Variants in EFCAB5 observed in about 807,000 individuals in gnomAD.
EFCAB5 encodes EF-hand calcium-binding domain-containing protein 5.
Under a neutral mutation model 167.9 loss-of-function variants are expected in EFCAB5, and 131 were observed. That is an observed-to-expected ratio of 0.78 (90% CI 0.68 to 0.90). EFCAB5 has a LOEUF of 0.90. Ranked by LOEUF, EFCAB5 falls within the 40% of genes least tolerant of loss-of-function variation. The pLI is 0.00. For missense variants in EFCAB5, 1,663 were observed against 1,745.2 expected, an observed-to-expected ratio of 0.95 and a Z score of 0.84; for synonymous variants, 574 against 602.8, an observed-to-expected ratio of 0.95 and a Z score of 0.70.
chr17:30,100,563 T>A (rs1403397094), intron 22 of EFCAB5, among the ~76,000 whole-genome samples: 1 of 150,864 alleles, frequency 6.6e-6, no homozygotes, highest in African/African-American at 2.4e-5. Flanking sequence ...AGGTCAGGAG[T>A]TCAAGACCAG....
chr17:29,954,533 C>T (rs1314991804), intron 3 of EFCAB5, among the ~76,000 whole-genome samples: 3 of 152,210 alleles, frequency 2.0e-5, no homozygotes, highest in Non-Finnish European at 4.4e-5. Flanking sequence ...GTTTGGGAAC[C>T]TCTGCCTAGA....
intron 22 of EFCAB5, among the ~76,000 whole-genome samples, chr17:30,100,994 C>A: frequency 6.6e-6 from 1 of 152,108 alleles, no homozygotes; most frequent in East Asian, 1.9e-4. Context: ...GGTCAGAGAA[C>A]GGGAGGTAAG....
At chr17:29,953,299 T>A (rs955052040) in intron 3 of EFCAB5, among the ~76,000 whole-genome samples, 3 of 151,974 alleles carry the variant, frequency 2.0e-5, no homozygotes, top group Non-Finnish European at 2.9e-5. Flanking sequence ...ACAAAAAAAA[T>A]AAAATAAAAT....
chr17:29,985,597 A>G (rs2068264458), intron 4 of EFCAB5, among the ~76,000 whole-genome samples: 2 of 152,230 alleles, frequency 1.3e-5, no homozygotes. Flanking sequence ...AGGTTAACTA[A>G]AATGGGAAAC....
intron 7 of EFCAB5, among the ~76,000 whole-genome samples, chr17:30,000,328 C>T (rs2151653159): frequency 6.6e-6 from 1 of 152,256 alleles, no homozygotes; most frequent in Admixed American, 6.5e-5. Flanking sequence ...ACTTGGTTAA[C>T]CCTCTCAGCA....
At chr17:30,056,318 T>C (rs1381820676) in intron 12 of EFCAB5, among the ~76,000 whole-genome samples, 162 bp downstream of exon 12, 1 of 152,200 alleles carries the variant, frequency 6.6e-6, no homozygotes, top group Non-Finnish European at 1.5e-5. Flanking sequence ...ATATACCAGA[T>C]AGATATATTT....
intron 3 of EFCAB5, 99 bp from the exon 4 acceptor site, chr17:29,968,692 G>A: frequency 2.1e-6 from 2 of 965,100 alleles, no homozygotes; most frequent in Non-Finnish European, 3.0e-6. Context: ...AATCCACTGT[G>A]TAAATGGATA....
chr17:29,944,747 C>T (rs900813082), intron 3 of EFCAB5, among the ~76,000 whole-genome samples: 14 of 151,782 alleles, frequency 9.2e-5, no homozygotes, highest in African/African-American at 2.9e-4. Flanking sequence ...CCTCAGCCTC[C>T]CGAGTAGCTG....
intron 14 of EFCAB5, among the ~76,000 whole-genome samples, chr17:30,066,234 G>A (rs1269480078): frequency 2.6e-5 from 4 of 151,810 alleles, no homozygotes; most frequent in Non-Finnish European, 5.9e-5. Flanking sequence ...AAATTTAAAG[G>A]AATTGAAATC....
chr17:30,099,433 A>AAG (rs1416872208), intron 22 of EFCAB5, among the ~76,000 whole-genome samples: 1 of 152,060 alleles, frequency 6.6e-6, no homozygotes, highest in Non-Finnish European at 1.5e-5. Flanking sequence ...TCTCTTAAAA[A>AAG]AAAAAATAGG....
intron 15 of EFCAB5, 67 bp downstream of exon 15, chr17:30,078,571 A>G (rs1597778544): frequency 2.1e-6 from 3 of 1,449,728 alleles, no homozygotes; most frequent in Admixed American, 5.6e-5. Flanking sequence ...CAATGTTTGC[A>G]AAAGAGGAGC....
intron 8 of EFCAB5, among the ~76,000 whole-genome samples, chr17:30,037,093 G>A (rs1441358258): frequency 1.3e-5 from 2 of 152,138 alleles, no homozygotes; most frequent in Non-Finnish European, 2.9e-5. Context: ...TCATTTTCTA[G>A]GTGTAGCTCA....
At chr17:30,058,030 A>G in intron 13 of EFCAB5, 140 bp downstream of exon 13, 1 of 715,924 alleles carries the variant, frequency 1.4e-6, no homozygotes, top group South Asian at 2.0e-5. Context: ...CATAGCCATT[A>G]AAGATTCTAT....
At chr17:30,088,294 T>C (rs2071128498) in intron 19 of EFCAB5, among the ~76,000 whole-genome samples, 1 of 152,110 alleles carries the variant, frequency 6.6e-6, no homozygotes, top group Non-Finnish European at 1.5e-5. Flanking sequence ...TCATTTAATT[T>C]TTTTTTTTAA....
chr17:30,073,643 C>T (rs767941354), intron 14 of EFCAB5: 43 of 709,372 alleles, frequency 6.1e-5, no homozygotes, highest in Middle Eastern at 4.7e-4. Flanking sequence ...TCTTTTTGCC[C>T]GTAGGGAAAG....
At chr17:29,978,368 A>T (rs1312295857) in intron 4 of EFCAB5, among the ~76,000 whole-genome samples, 1 of 152,212 alleles carries the variant, frequency 6.6e-6, no homozygotes, top group Non-Finnish European at 1.5e-5. Flanking sequence ...ACTTTATCCA[A>T]ACAGGTTCTA....
chr17:29,981,306 C>T (rs2068169891), intron 4 of EFCAB5, among the ~76,000 whole-genome samples: 1 of 152,158 alleles, frequency 6.6e-6, no homozygotes, highest in Admixed American at 6.6e-5. Flanking sequence ...CCACACTATA[C>T]TCCAGGCACA....
chr17:30,092,092 A>T lies in EFCAB5; in HGVS notation c.4159A>T (p.Ile1387Phe). The change falls in exon 21 of 23, where the codon ATC becomes TTC. Residue 1387 changes from isoleucine to phenylalanine, a missense_variant. By Grantham distance (21) the Ile-to-Phe change is conservative (BLOSUM62 0). Coordinates refer to ENST00000394835, the MANE Select transcript of EFCAB5 (RefSeq NM_198529.4). Reference sequence around the variant, plus strand: ...AGTGCGTGACATCCTGAAGGCGGTTATCTTGTTCTTTCATCCAGAGTTGGA... The same window carrying T: ...AGTGCGTGACATCCTGAAGGCGGTTTTCTTGTTCTTTCATCCAGAGTTGGA... ...KLVRDILKAV[I>F]LFFHPELEFS... The T allele has an allele frequency of 6.2e-7, 1 of 1,614,000 alleles. No homozygotes were observed. The highest frequency in any genetic ancestry group is 8.5e-7 in the Non-Finnish European group (1 of 1,179,882).
At chr17:29,976,465 A>T (rs2068065443) in intron 4 of EFCAB5, among the ~76,000 whole-genome samples, 1 of 152,148 alleles carries the variant, frequency 6.6e-6, no homozygotes, top group African/African-American at 2.4e-5. Flanking sequence ...ATGTCAACAG[A>T]TGACAGTGTC....
Sources: gnomAD v4.1 joint callset for allele counts (sites outside exome capture counted in the v4.1 genomes callset) on GRCh38, gnomAD v4.1.1 for gene constraint, MANE v1.5 for transcripts, NCBI Gene and HGNC (gene_info 2026-07-23, HGNC 2026-07-21) for gene names.